The following PCDHGA5 variants were observed in gnomAD, a reference collection of about 807,000 sequenced individuals.
PCDHGA5 encodes the protein protocadherin gamma-A5.
A neutral mutation model predicts 56.7 loss-of-function variants in PCDHGA5; 36 were observed. The observed-to-expected ratio is 0.64, with a 90% CI of 0.49 to 0.84. The LOEUF is 0.84. Among genes scored for constraint, PCDHGA5 ranks in the 40% least tolerant of loss-of-function variants. PCDHGA5 has a pLI of 0.00. For missense variants in PCDHGA5, 1,305 were observed against 1,201.5 expected, an observed-to-expected ratio of 1.09 and a Z score of -1.27; for synonymous variants, 563 against 520.2, an observed-to-expected ratio of 1.08 and a Z score of -1.12.
chr5:141,424,692 T>C (rs910540428), intron 1 of PCDHGA5: 2 of 152,004 alleles, frequency 1.3e-5, no homozygotes, highest in African/African-American at 4.8e-5. Context: ...CTTCTGGCTA[T>C]TTTTTTGTTC....
rs369141362 is a variant in PCDHGA5 at position 141,404,800 on chromosome 5, C to T, written c.2421+38049C>T. The T allele has an allele frequency of 1.8e-5, 29 of 1,613,852 alleles. No homozygotes were observed. The Admixed American group carries it at 3.3e-4, about 19-fold the overall frequency. On this transcript the variant is annotated intron_variant, in intron 1 of 3. Transcript: ENST00000518069. ...TATTCAAGGCCAGTGAGCCAGGGCT[C>T]TTCTCGGTGGGGCTGCACACAGGTG... is the stretch of plus-strand genomic sequence containing the variant.
At chr5:141,407,013 C>T (rs550387003) in intron 1 of PCDHGA5, among the ~76,000 whole-genome samples, 28 of 152,216 alleles carry the variant, frequency 1.8e-4, no homozygotes, top group Middle Eastern at 6.8e-3. Context: ...TTGAAGTTGA[C>T]TCAAAATTCT....
At chr5:141,495,605 T>G (rs1201224193) in intron 2 of PCDHGA5, among the ~76,000 whole-genome samples, 2 of 152,228 alleles carry the variant, frequency 1.3e-5, no homozygotes, top group African/African-American at 2.4e-5. Context: ...GCTTCCGTCT[T>G]GATTGCTGCA....
Position 141,489,409 on chromosome 5 carries a change from A to T in PCDHGA5, c.2422-5398A>T. On this transcript the variant is annotated intron_variant, in intron 1 of 3. Transcript: ENST00000518069. The surrounding 1 kb of genome is among the most constrained non-coding windows in gnomAD (Gnocchi z 4.5). ...TGCTCAGGATCTGGGCTTAAAGATG[A>T]CAGATCTGTTGAGCCGGCGGCTGCA... 1.9e-6 allele frequency: 3 copies of T among 1,614,114 alleles called. No homozygotes were observed. The highest frequency in any genetic ancestry group is 2.5e-6 in the Non-Finnish European group (3 of 1,180,004).
Position 141,388,371 on chromosome 5 carries a change from G to C in PCDHGA5, c.2421+21620G>C, listed in dbSNP as rs757960562. ...AGGATCTGCCCATGATGCGGATATT[G>C]GTAGCAACACACTGCAGAATTACCA... On this transcript the variant is annotated intron_variant, in intron 1 of 3. Transcript: ENST00000518069. 3.8e-5 allele frequency: 61 copies of C among 1,613,854 alleles called. No homozygotes were observed. In the South Asian group the frequency reaches 6.1e-4, roughly 16 times the overall value.
intron 1 of PCDHGA5, chr5:141,395,163 G>T: frequency 6.2e-7 from 1 of 1,614,160 alleles, no homozygotes; most frequent in Non-Finnish European, 8.5e-7. Context: ...CAGTCAGGAG[G>T]GCTGTGAGAA....
intron 1 of PCDHGA5, chr5:141,418,660 T>C (rs1377720154): frequency 6.2e-7 from 1 of 1,614,024 alleles, no homozygotes; most frequent in Admixed American, 1.7e-5. Context: ...TGAAGGCCAC[T>C]GACCAGGACG....
At chr5:141,479,366 T>A (rs2099494042) in intron 1 of PCDHGA5, 1 of 152,302 alleles carries the variant, frequency 6.6e-6, no homozygotes, top group Non-Finnish European at 1.5e-5. Flanking sequence ...GTGCCTGAGG[T>A]GGGAGGATTG....
chr5:141,375,766 G>A, intron 1 of PCDHGA5: 2 of 1,614,270 alleles, frequency 1.2e-6, no homozygotes, highest in Non-Finnish European at 1.7e-6. Flanking sequence ...ATGCGCCCGA[G>A]ATCCTGTACC....
At chr5:141,502,093 G>C (rs1037154464) in intron 2 of PCDHGA5, among the ~76,000 whole-genome samples, 27 of 152,112 alleles carry the variant, frequency 1.8e-4, no homozygotes, top group Admixed American at 1.7e-3. Flanking sequence ...AGAACACCTG[G>C]CCTTGACCCT....
intron 1 of PCDHGA5, chr5:141,410,627 TTC>T: frequency 6.2e-7 from 1 of 1,602,046 alleles, no homozygotes; most frequent in Admixed American, 1.7e-5. Flanking sequence ...TTCGGTGAGT[TTC>T]TCTTTTTTGT....
intron 1 of PCDHGA5, chr5:141,389,506 G>A: frequency 1.9e-6 from 3 of 1,613,112 alleles, no homozygotes; most frequent in Non-Finnish European, 2.5e-6. Context: ...CCAGCGCTCA[G>A]CGCGAACGTG....
chr5:141,480,414 CAA>C (rs10712552), intron 1 of PCDHGA5, among the ~76,000 whole-genome samples: 346 of 147,498 alleles, frequency 2.3e-3, no homozygotes, highest in African/African-American at 8.3e-3. Flanking sequence ...GACCCTGTCT[CAA>C]AAAAAAAAAT....
chr5:141,484,750 G>GTATA (rs545232987), intron 1 of PCDHGA5, among the ~76,000 whole-genome samples: 1 of 149,818 alleles, frequency 6.7e-6, no homozygotes, highest in Non-Finnish European at 1.5e-5. Context: ...GAAAAAAAAT[G>GTATA]TATATATATA....
At chr5:141,389,404 C>T in intron 1 of PCDHGA5, 3 of 1,613,616 alleles carry the variant, frequency 1.9e-6, no homozygotes, top group Non-Finnish European at 2.5e-6. Context: ...TCCATAAGCG[C>T]GGAGAGCGGG....
At chr5:141,463,728 G>C (rs957615020) in intron 1 of PCDHGA5, among the ~76,000 whole-genome samples, 3 of 152,066 alleles carry the variant, frequency 2.0e-5, no homozygotes, top group African/African-American at 7.2e-5. Context: ...TTACAGGCAT[G>C]AGCCACCGCG....
chr5:141,388,652 C>A (rs1388425962), intron 1 of PCDHGA5: 1 of 1,613,844 alleles, frequency 6.2e-7, no homozygotes, highest in Non-Finnish European at 8.5e-7. Flanking sequence ...AAAACGTGTA[C>A]CCGGGGACCA....
intron 1 of PCDHGA5, chr5:141,419,467 C>T: frequency 6.2e-7 from 1 of 1,612,476 alleles, no homozygotes; most frequent in Non-Finnish European, 8.5e-7. Context: ...AGGCCCGCGA[C>T]CAGGGCTCGC....
intron 1 of PCDHGA5, chr5:141,424,187 A>C (rs2096804354): frequency 5.3e-6 from 1 of 188,948 alleles, no homozygotes; most frequent in African/African-American, 2.4e-5. Context: ...ACATGCACAC[A>C]CACTTATACA....
Sources: allele counts gnomAD v4.1 joint callset (sites outside exome capture counted in the v4.1 genomes callset), GRCh38; gene constraint gnomAD v4.1.1; non-coding constraint Gnocchi (gnomAD v3.1); transcripts MANE v1.5; gene names NCBI Gene and HGNC (gene_info 2026-07-23, HGNC 2026-07-21).